The following SLC35F3 variants were observed in gnomAD, a reference collection of about 807,000 sequenced individuals.
The protein encoded by SLC35F3 is solute carrier family 35 member F3.
SLC35F3 carries 25 observed loss-of-function variants against 49.9 expected under a neutral mutation model. The observed-to-expected ratio is 0.50, with a 90% CI of 0.37 to 0.70. The LOEUF is 0.70. Ranked by LOEUF, SLC35F3 falls within the 30% of genes least tolerant of loss-of-function variation. The probability of loss-of-function intolerance (pLI) is 0.00; values close to 1 mark genes in which losing one functional copy is unlikely to be tolerated. For missense variants in SLC35F3, 525 were observed against 639.8 expected, an observed-to-expected ratio of 0.82 and a Z score of 1.94; for synonymous variants, 275 against 265.4, an observed-to-expected ratio of 1.04 and a Z score of -0.35.
At chr1:233,987,103 A>G (rs1056082910) in intron 2 of SLC35F3, among the ~76,000 whole-genome samples, 31 of 151,856 alleles carry the variant, frequency 2.0e-4, no homozygotes, top group African/African-American at 7.5e-4. Context: ...CCTGGCCAAC[A>G]TGATAAAACC....
intron 2 of SLC35F3, among the ~76,000 whole-genome samples, chr1:234,131,528 A>G (rs1665736678): frequency 2.0e-5 from 3 of 152,142 alleles, no homozygotes; most frequent in Admixed American, 2.0e-4. Flanking sequence ...GGTGTTGCTG[A>G]ATAACTTAAG....
chr1:234,236,425 G>A (rs1475471782), intron 3 of SLC35F3, among the ~76,000 whole-genome samples: 2 of 151,942 alleles, frequency 1.3e-5, no homozygotes. Context: ...GGGTAACAGC[G>A]TGAGACCCTG....
chr1:234,110,509 CA>C (rs1665390224), intron 2 of SLC35F3, among the ~76,000 whole-genome samples: 1 of 152,232 alleles, frequency 6.6e-6, no homozygotes, highest in Non-Finnish European at 1.5e-5. Flanking sequence ...GTTCAATAAA[CA>C]TTTGCTGAAT....
chr1:233,982,091 T>G (rs2102822502), intron 2 of SLC35F3, among the ~76,000 whole-genome samples: 1 of 152,272 alleles, frequency 6.6e-6, no homozygotes. Context: ...CCCAACTAAT[T>G]TTTTTAAATT....
chr1:233,962,475 A>T (rs1662820123), intron 2 of SLC35F3, among the ~76,000 whole-genome samples: 1 of 152,208 alleles, frequency 6.6e-6, no homozygotes. Flanking sequence ...TGTGCCTTAC[A>T]CTAATTGCCA....
At position 234,231,200 on chromosome 1, in the gene SLC35F3, C is replaced by T. The variant is rs760786144; in HGVS notation, c.284-217C>T. Among the ~76,000 whole-genome samples the T allele has an allele frequency of 6.6e-5, 10 of 152,186 alleles. No homozygotes were observed. Among genetic ancestry groups the T allele is most frequent in the Non-Finnish European group, 1.3e-4 (9 of 68,022 alleles). On this transcript the variant is annotated intron_variant, in intron 2 of 7. Coordinates refer to ENST00000366618, the MANE Select transcript of SLC35F3 (RefSeq NM_173508.4). The surrounding 1 kb of genome is among the most constrained non-coding windows in gnomAD (Gnocchi z 5.4). ...CTGACGCTGCCCGGCCCAGGGACCA[C>T]ACTTGGAGAGCCTCGGACCTGGAGG...
intron 3 of SLC35F3, among the ~76,000 whole-genome samples, chr1:234,235,883 G>A (rs1436354227): frequency 1.3e-5 from 2 of 152,126 alleles, no homozygotes; most frequent in African/African-American, 4.8e-5. Context: ...AACCATATCG[G>A]GTCTTGCAGC....
chr1:233,955,878 C>CTTT lies in SLC35F3; in HGVS notation c.283+50145_283+50147dup, dbSNP rs869035917. On this transcript the variant is annotated intron_variant, in intron 2 of 7. Transcript: ENST00000366618. ...GAGTCAGCAGAGGAGGTGTGGGTAT[C>CTTT]TTTTTTTTTTTTTTTTTTTTTTTTT... Among the ~76,000 whole-genome samples, 231 of 48,128 alleles carry CTTT rather than the reference C, an allele frequency of 4.8e-3. 54 individuals carry two copies. Among genetic ancestry groups the CTTT allele is most frequent in the African/African-American group, 0.019 (193 of 10,132 alleles). The allele number at this position is 48,128 out of a possible 152,430, so 31.6% of individuals were successfully genotyped here.
intron 2 of SLC35F3, among the ~76,000 whole-genome samples, chr1:234,059,814 AG>A (rs1388113785): frequency 2.0e-5 from 3 of 152,208 alleles, no homozygotes; most frequent in African/African-American, 7.2e-5. Flanking sequence ...CTGATGTTTG[AG>A]GGCAGGGAGC....
intron 3 of SLC35F3, among the ~76,000 whole-genome samples, chr1:234,267,722 G>A (rs1364505331): frequency 1.8e-5 from 2 of 112,816 alleles, no homozygotes; most frequent in Non-Finnish European, 4.1e-5. Flanking sequence ...GGACGGAGGG[G>A]CTCCTCACTT....
At chr1:234,249,933 G>A (rs11578187) in intron 3 of SLC35F3, among the ~76,000 whole-genome samples, 14,968 of 152,234 alleles carry the variant, frequency 0.098, 1,006 homozygotes, top group Non-Finnish European at 0.15. Flanking sequence ...TTTGACTGCA[G>A]AACTCCTTAC....
intron 2 of SLC35F3, among the ~76,000 whole-genome samples, chr1:233,999,352 G>A (rs919344743): frequency 6.9e-6 from 1 of 144,824 alleles, no homozygotes; most frequent in African/African-American, 2.5e-5. Context: ...TGTCTCTCCT[G>A]TCCCCTCCAT....
intron 2 of SLC35F3, among the ~76,000 whole-genome samples, chr1:234,049,675 A>T (rs564029588): frequency 3.4e-4 from 51 of 152,232 alleles, no homozygotes; most frequent in African/African-American, 1.2e-3. Context: ...TCTAGGGTAC[A>T]TGTGCACAAC....
At chr1:233,923,977 C>CT (rs1340237648) in intron 2 of SLC35F3, among the ~76,000 whole-genome samples, 1 of 152,162 alleles carries the variant, frequency 6.6e-6, no homozygotes, top group Non-Finnish European at 1.5e-5. Flanking sequence ...ACAAGCCTTG[C>CT]TTCCCAGGGA....
chr1:233,940,647 C>G (rs1273305147), intron 2 of SLC35F3, among the ~76,000 whole-genome samples: 1 of 152,212 alleles, frequency 6.6e-6, no homozygotes, highest in Non-Finnish European at 1.5e-5. Flanking sequence ...AAACCTAACT[C>G]TCAAATAAGA....
chr1:234,214,434 G>T lies in SLC35F3; in HGVS notation c.284-16983G>T. ...CGTCGGCCACGGGCCCGGGAGAGAC[G>T]CGCTCCAGCCGGCCCCAGGATGTAG... On this transcript the variant is annotated intron_variant, in intron 2 of 7. Coordinates refer to ENST00000366618, the MANE Select transcript of SLC35F3 (RefSeq NM_173508.4). The surrounding 1 kb of genome is among the most constrained non-coding windows in gnomAD (Gnocchi z 8.0). 1 of 1,478,976 alleles carries T rather than the reference G, an allele frequency of 6.8e-7. No homozygotes were observed. The highest frequency in any genetic ancestry group is 9.0e-7 in the Non-Finnish European group (1 of 1,112,682). 91.6% of individuals were successfully genotyped at this position (1,478,976 alleles called of 1,614,324 possible).
At chr1:234,142,278 A>T (rs1394065691) in intron 2 of SLC35F3, among the ~76,000 whole-genome samples, 1 of 152,206 alleles carries the variant, frequency 6.6e-6, no homozygotes, top group Non-Finnish European at 1.5e-5. Context: ...ACGAAAAAAA[A>T]GATGTTTAGA....
At chr1:234,143,534 C>T (rs577252456) in intron 2 of SLC35F3, among the ~76,000 whole-genome samples, 46 of 152,098 alleles carry the variant, frequency 3.0e-4, no homozygotes, top group Admixed American at 1.3e-3. Context: ...GGTGATCCAC[C>T]TGCCTCGGCC....
chr1:234,111,534 C>A (rs1665405526), intron 2 of SLC35F3, among the ~76,000 whole-genome samples: 1 of 152,232 alleles, frequency 6.6e-6, no homozygotes, highest in Admixed American at 6.5e-5. Flanking sequence ...CTCAGGTCAT[C>A]CGCCCGCCTC....
Sources: gnomAD v4.1 joint callset for allele counts (sites outside exome capture counted in the v4.1 genomes callset) on GRCh38, gnomAD v4.1.1 for gene constraint, Gnocchi (gnomAD v3.1) non-coding constraint, MANE v1.5 for transcripts, NCBI Gene and HGNC (gene_info 2026-07-23, HGNC 2026-07-21) for gene names.